Variants in MAPK10 observed in about 807,000 individuals in gnomAD.
The protein encoded by MAPK10 is mitogen-activated protein kinase 10.
In MAPK10, 25 loss-of-function variants were observed where a neutral mutation model predicts 59.3. The observed-to-expected ratio is 0.42, with a 90% CI of 0.31 to 0.59. MAPK10 has a LOEUF of 0.59. Ranked by LOEUF, MAPK10 falls within the 20% of genes least tolerant of loss-of-function variation. The pLI, the probability that MAPK10 is intolerant of heterozygous loss-of-function variation, is 0.15. For missense variants in MAPK10, 351 were observed against 568.9 expected, an observed-to-expected ratio of 0.62 and a Z score of 3.90; for synonymous variants, 190 against 200.5, an observed-to-expected ratio of 0.95 and a Z score of 0.44.
At chr4:86,234,094 T>G (rs1262500635) in intron 2 of MAPK10, among the ~76,000 whole-genome samples, 3 of 152,016 alleles carry the variant, frequency 2.0e-5, no homozygotes, top group Admixed American at 2.0e-4. Context: ...TAAGTCAGAG[T>G]CTCTAGACTC....
chr4:86,174,642 T>G (rs1369356730), intron 3 of MAPK10, among the ~76,000 whole-genome samples: 1 of 152,178 alleles, frequency 6.6e-6, no homozygotes, highest in African/African-American at 2.4e-5. Context: ...ATGTGCCTCC[T>G]CAACACTTCT....
chr4:86,346,787 C>T (rs1325361086), intron 2 of MAPK10, among the ~76,000 whole-genome samples: 1 of 150,376 alleles, frequency 6.6e-6, no homozygotes, highest in Non-Finnish European at 1.5e-5. Context: ...TTAAACACAG[C>T]TGTATAGCTT....
At position 86,096,001 on chromosome 4, in the gene MAPK10, T is replaced by C. The variant is rs117590877; in HGVS notation, c.802+2523A>G. ...AGTAAAAGGCTTTCCATTGTAGGTG[T>C]CTTTATGCAATTTTTTTTAACTTTT... is the stretch of plus-strand genomic sequence containing the variant. On this transcript the variant is annotated intron_variant, in intron 9 of 13. Transcript: ENST00000641462. Among the ~76,000 whole-genome samples, 663 of 151,904 alleles carry C rather than the reference T, an allele frequency of 4.4e-3. 29 individuals are homozygous for C. In the East Asian group the frequency reaches 0.1, roughly 24 times the overall value.
intron 1 of MAPK10, among the ~76,000 whole-genome samples, chr4:86,373,876 A>G (rs1472196645): frequency 6.6e-6 from 1 of 152,174 alleles, no homozygotes; most frequent in African/African-American, 2.4e-5. Flanking sequence ...AACCAGAAAT[A>G]CCATTTGACA....
intron 2 of MAPK10, among the ~76,000 whole-genome samples, chr4:86,223,933 G>T (rs2090135858): frequency 6.6e-6 from 1 of 152,114 alleles, no homozygotes; most frequent in South Asian, 2.1e-4. Context: ...ATACCCTCTT[G>T]TGGCATGTGT....
chr4:86,540,252 G>C (rs921578350), intron 1 of MAPK10, among the ~76,000 whole-genome samples: 4 of 152,190 alleles, frequency 2.6e-5, no homozygotes, highest in African/African-American at 9.7e-5. Context: ...TATAATCCTA[G>C]CACTTTGGAA....
intron 2 of MAPK10, among the ~76,000 whole-genome samples, chr4:86,352,938 C>T (rs1301102145): frequency 6.6e-6 from 1 of 152,160 alleles, no homozygotes; most frequent in Admixed American, 6.5e-5. Flanking sequence ...TCTGCCACTA[C>T]CATTTCTGCT....
At chr4:86,272,521 A>G (rs1275681851) in intron 2 of MAPK10, among the ~76,000 whole-genome samples, 1 of 152,030 alleles carries the variant, frequency 6.6e-6, no homozygotes, top group African/African-American at 2.4e-5. Context: ...AGGTTTTTTC[A>G]TACATTTATA....
intron 9 of MAPK10, among the ~76,000 whole-genome samples, chr4:86,091,796 C>A (rs1461247691): frequency 6.6e-6 from 1 of 151,888 alleles, no homozygotes; most frequent in Non-Finnish European, 1.5e-5. Context: ...GCATCAGCCT[C>A]CCTAGTAGCT....
intron 1 of MAPK10, among the ~76,000 whole-genome samples, chr4:86,398,161 A>G (rs1477101347): frequency 1.3e-5 from 2 of 152,114 alleles, no homozygotes; most frequent in South Asian, 2.1e-4. Context: ...AAGAAACACT[A>G]AAATTTAATT....
chr4:86,130,605 T>G (rs1215553625), intron 4 of MAPK10, among the ~76,000 whole-genome samples: 1 of 152,176 alleles, frequency 6.6e-6, no homozygotes, highest in East Asian at 1.9e-4. Flanking sequence ...AAATACTTTG[T>G]GCATAGCATC....
intron 2 of MAPK10, among the ~76,000 whole-genome samples, chr4:86,248,009 A>G (rs2093205772): frequency 6.6e-6 from 1 of 152,214 alleles, no homozygotes; most frequent in South Asian, 2.1e-4. Flanking sequence ...TCTTCCCCTC[A>G]GCCAACATGA....
At chr4:86,200,068 A>C (rs191285446) in intron 2 of MAPK10, among the ~76,000 whole-genome samples, 25 of 152,132 alleles carry the variant, frequency 1.6e-4, no homozygotes, top group Middle Eastern at 3.4e-3. Flanking sequence ...GGAGCAATTT[A>C]CTCTGTAAAT....
intron 2 of MAPK10, among the ~76,000 whole-genome samples, chr4:86,255,717 G>T (rs1563659432): frequency 6.6e-6 from 1 of 151,584 alleles, no homozygotes; most frequent in African/African-American, 2.4e-5. Context: ...GGGGGATGGG[G>T]TGGGAGGGTT....
intron 2 of MAPK10, among the ~76,000 whole-genome samples, chr4:86,257,309 G>A (rs1583601392): frequency 6.6e-6 from 1 of 152,046 alleles, no homozygotes; most frequent in African/African-American, 2.4e-5. Flanking sequence ...GTTGGGTTAC[G>A]GTAAATTGGT....
At chr4:86,358,721 A>C (rs1202522458) in intron 1 of MAPK10, 1 of 152,164 alleles carries the variant, frequency 6.6e-6, no homozygotes, top group Non-Finnish European at 1.5e-5. Flanking sequence ...CTATAGCCTG[A>C]TTTACTTACA....
chr4:86,267,264 A>G (rs778738599), intron 2 of MAPK10, among the ~76,000 whole-genome samples: 10 of 152,216 alleles, frequency 6.6e-5, no homozygotes, highest in Non-Finnish European at 1.0e-4. Flanking sequence ...GTTTGTAAAT[A>G]GCCAAAATAA....
At position 86,590,482 on chromosome 4, in the gene MAPK10, G is replaced by C. The variant is rs191860372; in HGVS notation, c.-263+3428C>G. On this transcript the variant is annotated intron_variant, in intron 1 of 4. Coordinates refer to the MAPK10 transcript ENST00000502302. ...CCTAAAAGTATCCTGTTGGACATTTGATTAGAATTATACTGGATAGGCTGG... is the reference window on the plus strand; with the variant it reads ...CCTAAAAGTATCCTGTTGGACATTTCATTAGAATTATACTGGATAGGCTGG... 1.2e-4 allele frequency among the ~76,000 whole-genome samples: 18 copies of C among 152,146 alleles called. No homozygotes were observed. In the East Asian group the frequency reaches 3.3e-3, roughly 28 times the overall value.
At chr4:86,593,065 C>A (rs2149119648) in intron 1 of MAPK10, among the ~76,000 whole-genome samples, 1 of 152,332 alleles carries the variant, frequency 6.6e-6, no homozygotes, top group African/African-American at 2.4e-5. Context: ...GCATATTTGA[C>A]TGAAGATATC....
Sources: gnomAD v4.1 joint callset for allele counts (sites outside exome capture counted in the v4.1 genomes callset) on GRCh38, gnomAD v4.1.1 for gene constraint, MANE v1.5 for transcripts, NCBI Gene and HGNC (gene_info 2026-07-23, HGNC 2026-07-21) for gene names.